ABCB1: variants seen among roughly 807,000 people sequenced by gnomAD.
ABCB1 encodes the protein ATP binding cassette subfamily B member 1.
A neutral mutation model predicts 142.0 loss-of-function variants in ABCB1; 69 were observed. The ratio of observed to expected loss-of-function variants is 0.49; its 90% CI spans 0.40 to 0.59. The LOEUF is 0.59. ABCB1 is among the 20% of genes least tolerant of loss of function. The probability of loss-of-function intolerance (pLI) is 0.00; values close to 1 mark genes in which losing one functional copy is unlikely to be tolerated. For synonymous variants in ABCB1, 532 were observed against 539.2 expected, an observed-to-expected ratio of 0.99 and a Z score of 0.18; for missense variants, 1,326 against 1,554.7, an observed-to-expected ratio of 0.85 and a Z score of 2.47.
chr7:87,574,640 T>C (rs1458149532), intron 4 of ABCB1, among the ~76,000 whole-genome samples: 2 of 152,158 alleles, frequency 1.3e-5, no homozygotes, highest in Non-Finnish European at 2.9e-5. Context: ...CAAGGCTTTA[T>C]CCATTCTGCT....
At chr7:87,522,160 GGTGGTGGATATAGTGGC>G (rs1815541884) in intron 21 of ABCB1, 1 of 1,451,926 alleles carries the variant, frequency 6.9e-7, no homozygotes, top group African/African-American at 1.4e-5. Context: ...CAGCTGTGGT[GGTGGTGGATATAGTGGC>G]AGTGGGGATG....
At position 87,668,445 on chromosome 7, in the gene ABCB1, A is replaced by G. The variant is rs548037019; in HGVS notation, c.-331+44716T>C. 4.6e-5 allele frequency among the ~76,000 whole-genome samples: 7 copies of G among 151,922 alleles called. 1 individual carries two copies. The highest frequency in any genetic ancestry group is 1.7e-4 in the African/African-American group (7 of 41,466). Reference sequence around the variant, plus strand: ...TTTCAAAACAACAGCCCTTGGATTAATTGATCTTTTGATTGTTTTTTTTGT... The same window carrying G: ...TTTCAAAACAACAGCCCTTGGATTAGTTGATCTTTTGATTGTTTTTTTTGT... On this transcript the variant is annotated intron_variant, in intron 1 of 28. Coordinates refer to the ABCB1 transcript ENST00000265724.
In ABCB1 at chr7:87,619,925, G is replaced by A. The variant is rs369690012; in HGVS notation, c.-330-18847C>T. 3.3e-5 allele frequency among the ~76,000 whole-genome samples: 5 copies of A among 152,234 alleles called. No homozygotes were observed. The South Asian group carries it at 8.3e-4, about 25-fold the overall frequency. On this transcript the variant is annotated intron_variant, in intron 1 of 28. Coordinates refer to the ABCB1 transcript ENST00000265724. ...AAGCTTGCATAAGCAGAATTCAGCC[G>A]TGGATATAGTAAATTGGTACTAAAA...
At chr7:87,608,813 T>A (rs1819750538) in intron 1 of ABCB1, among the ~76,000 whole-genome samples, 1 of 152,216 alleles carries the variant, frequency 6.6e-6, no homozygotes, top group African/African-American at 2.4e-5. Flanking sequence ...ACAGGACATA[T>A]CTATTTAAAA....
chr7:87,622,210 A>G (rs1472616715), intron 1 of ABCB1, among the ~76,000 whole-genome samples: 2 of 152,174 alleles, frequency 1.3e-5, no homozygotes, highest in Non-Finnish European at 2.9e-5. Flanking sequence ...AGTATTTGCC[A>G]TACATACAAT....
chr7:87,658,302 A>G (rs985036432), intron 1 of ABCB1, among the ~76,000 whole-genome samples: 1 of 152,228 alleles, frequency 6.6e-6, no homozygotes, highest in Admixed American at 6.5e-5. Flanking sequence ...TACAGTGGAA[A>G]GAACCAGTGA....
intron 21 of ABCB1, chr7:87,521,096 G>C: frequency 1.9e-6 from 1 of 534,816 alleles, no homozygotes; most frequent in Non-Finnish European, 3.3e-6. Flanking sequence ...TGCAGAAATA[G>C]AAGCTAAGAC....
Position 87,536,418 on chromosome 7 carries a change from G to A in ABCB1, c.2481+40C>T, listed in dbSNP as rs2235041. ...TTAGTTTCATGCTGGGGTCCAAAAT[G>A]GCCAATTAAGACAAACACCAGTAGA... is the stretch of plus-strand genomic sequence containing the variant. On this transcript the variant is annotated intron_variant, in intron 20 of 27. Coordinates refer to ENST00000622132, the MANE Select transcript of ABCB1 (RefSeq NM_001348946.2). 5.3e-3 allele frequency: 8,523 copies of A among 1,595,404 alleles called. 377 individuals carry two copies. In the African/African-American group the frequency reaches 0.097, roughly 18 times the overall value.
intron 7 of ABCB1, chr7:87,565,425 T>G: frequency 2.2e-6 from 1 of 444,570 alleles, no homozygotes; most frequent in South Asian, 1.6e-5. Context: ...ACTGGAAACG[T>G]GTGCTGGGGT....
At chr7:87,602,388 A>G (rs1482769682), upstream of ABCB1, among the ~76,000 whole-genome samples, 2 of 144,340 alleles carry the variant, frequency 1.4e-5, no homozygotes, top group Admixed American at 7.4e-5. Flanking sequence ...ATGCAAGTGT[A>G]CAGCATTGTT....
chr7:87,648,042 G>A (rs891238076), intron 1 of ABCB1, among the ~76,000 whole-genome samples: 17 of 151,810 alleles, frequency 1.1e-4, no homozygotes, highest in Admixed American at 2.6e-4. Context: ...AAAATTAGCC[G>A]GGCTTGGTGG....
chr7:87,610,524 C>T (rs572412195), intron 1 of ABCB1, among the ~76,000 whole-genome samples: 1 of 147,954 alleles, frequency 6.8e-6, no homozygotes, highest in Middle Eastern at 3.6e-3. Flanking sequence ...GCTGAGATTA[C>T]AGGAGTCAGC....
intron 1 of ABCB1, among the ~76,000 whole-genome samples, chr7:87,674,127 T>G (rs987763597): frequency 2.0e-5 from 3 of 152,164 alleles, no homozygotes; most frequent in Non-Finnish European, 4.4e-5. Context: ...AATACTCCTA[T>G]GGGTGGTACC....
intron 1 of ABCB1, among the ~76,000 whole-genome samples, chr7:87,634,487 T>TGGGGGGTG (rs1366151306): frequency 1.1e-3 from 1 of 906 alleles, no homozygotes; most frequent in Non-Finnish European, 3.2e-3. Context: ...GGCGTGGTGG[T>TGGGGGGTG]GGGGGGTGGG....
chr7:87,695,634 T>A (rs1355239053), intron 1 of ABCB1, among the ~76,000 whole-genome samples: 1 of 152,122 alleles, frequency 6.6e-6, no homozygotes, highest in African/African-American at 2.4e-5. Flanking sequence ...GTGAAATCAG[T>A]TTATCATTCA....
chr7:87,517,364 T>TTCTC (rs3028303), intron 23 of ABCB1, among the ~76,000 whole-genome samples: 1 of 151,112 alleles, frequency 6.6e-6, no homozygotes, highest in African/African-American at 2.4e-5. Flanking sequence ...CTCTCTCTCT[T>TTCTC]TCTCTCTCTC....
At chr7:87,609,359 T>C (rs927462362) in intron 1 of ABCB1, among the ~76,000 whole-genome samples, 2 of 152,174 alleles carry the variant, frequency 1.3e-5, no homozygotes, top group Non-Finnish European at 2.9e-5. Context: ...CTCTAGTTTT[T>C]CTCTCTGGAT....
chr7:87,645,776 T>C (rs1044316756), intron 1 of ABCB1, among the ~76,000 whole-genome samples: 5 of 152,206 alleles, frequency 3.3e-5, no homozygotes, highest in Admixed American at 2.0e-4. Context: ...TACTCTGGCA[T>C]ATACTCATGA....
At chr7:87,550,967 G>A (rs1817039254) in intron 9 of ABCB1, 129 bp from the exon 10 acceptor site, 1 of 669,264 alleles carries the variant, frequency 1.5e-6, no homozygotes, top group Non-Finnish European at 2.7e-6. Context: ...TAAATACTAG[G>A]TGTTAAAAAT....
Sources: gnomAD v4.1 joint callset for allele counts (sites outside exome capture counted in the v4.1 genomes callset) on GRCh38, gnomAD v4.1.1 for gene constraint, MANE v1.5 for transcripts, NCBI Gene and HGNC (gene_info 2026-07-23, HGNC 2026-07-21) for gene names.